INPP5B: variants seen among roughly 807,000 people sequenced by gnomAD.
INPP5B encodes type II inositol 1,4,5-trisphosphate 5-phosphatase.
A neutral mutation model predicts 118.5 loss-of-function variants in INPP5B; 90 were observed. The ratio of observed to expected loss-of-function variants is 0.76; its 90% CI spans 0.64 to 0.90. The LOEUF is 0.90. INPP5B is among the 40% of genes least tolerant of loss of function. INPP5B has a pLI of 0.00. For missense variants in INPP5B, 984 were observed against 1,125.6 expected (o/e 0.87, Z 1.80); for synonymous variants, 385 against 418.9 (o/e 0.92, Z 0.99).
At chr1:37,875,798 G>T in intron 16 of INPP5B, 82 bp from the exon 17 acceptor site, 1 of 918,596 alleles carries the variant, frequency 1.1e-6, no homozygotes, top group Non-Finnish European at 1.8e-6. Flanking sequence ...TCACAGCACT[G>T]GGAAATAGCA....
chr1:37,867,384 A>G (rs924112919), intron 20 of INPP5B, among the ~76,000 whole-genome samples: 1 of 152,234 alleles, frequency 6.6e-6, no homozygotes, highest in African/African-American at 2.4e-5. Flanking sequence ...GGAGTGCTAC[A>G]GAGAAGGTAG....
At chr1:37,871,942 T>C (rs1168703645) in intron 19 of INPP5B, among the ~76,000 whole-genome samples, 1 of 149,240 alleles carries the variant, frequency 6.7e-6, no homozygotes, top group Non-Finnish European at 1.5e-5. Context: ...TGCATGCCTG[T>C]AGTCCCAGCT....
intron 7 of INPP5B, among the ~76,000 whole-genome samples, chr1:37,902,320 C>T (rs1644361602): frequency 6.6e-6 from 1 of 152,106 alleles, no homozygotes; most frequent in African/African-American, 2.4e-5. Context: ...ACTGTCTTCT[C>T]TATCCCTACT....
chr1:37,917,727 C>T (rs1026457738), intron 7 of INPP5B, among the ~76,000 whole-genome samples: 89 of 152,130 alleles, frequency 5.9e-4, no homozygotes, highest in Admixed American at 4.6e-3. Context: ...ACCAGGAGTT[C>T]GAGACTAGCC....
intron 7 of INPP5B, among the ~76,000 whole-genome samples, chr1:37,919,142 A>C (rs1644969957): frequency 6.6e-6 from 1 of 152,198 alleles, no homozygotes; most frequent in Admixed American, 6.5e-5. Flanking sequence ...CCCAAGGGTA[A>C]GTACGATGTG....
At chr1:37,871,497 G>C (rs1642435471) in intron 19 of INPP5B, among the ~76,000 whole-genome samples, 1 of 151,806 alleles carries the variant, frequency 6.6e-6, no homozygotes, top group African/African-American at 2.4e-5. Context: ...GCCAGGCGTG[G>C]TGGCTTACAC....
intron 7 of INPP5B, among the ~76,000 whole-genome samples, chr1:37,917,358 C>G (rs1017935525): frequency 2.3e-4 from 29 of 125,162 alleles, no homozygotes; most frequent in Admixed American, 5.4e-4. Flanking sequence ...GGGTCACGCT[C>G]TATCACTCAG....
intron 19 of INPP5B, among the ~76,000 whole-genome samples, chr1:37,870,455 T>A (rs1049593051): frequency 6.6e-6 from 1 of 152,320 alleles, no homozygotes; most frequent in South Asian, 2.1e-4. Flanking sequence ...TGAATGTGTA[T>A]GTCCCCCTCA....
chr1:37,874,161 A>C lies in INPP5B; in HGVS notation c.1789-6T>G. The C allele has an allele frequency of 6.4e-7, 1 of 1,555,504 alleles. No homozygotes were observed. Among genetic ancestry groups the C allele is most frequent in the South Asian group, 1.2e-5 (1 of 85,550 alleles). On this transcript the variant is annotated splice_polypyrimidine_tract_variant and splice_region_variant and intron_variant, in intron 17 of 23. Transcript: ENST00000373024. ...TTCACATTCTGAAAACAGAACTGGG[A>C]AGAAGCCCGGGGCCAGTGAAAACCA...
chr1:37,888,256 C>A lies in INPP5B; in HGVS notation c.886G>T (p.Val296Phe). The A allele has an allele frequency of 6.3e-7, 1 of 1,575,436 alleles. No individual in the cohort carries two copies. Among genetic ancestry groups the A allele is most frequent in the Admixed American group, 1.8e-5 (1 of 54,292 alleles). Residue 296 changes from valine to phenylalanine, a missense_variant, in exon 10 of 24, where the codon GTC (valine) becomes TTC (phenylalanine). By Grantham distance (50) the Val-to-Phe change is conservative (BLOSUM62 -1). Coordinates refer to ENST00000373024, the MANE Select transcript of INPP5B (RefSeq NM_005540.3). Reference protein sequence around the residue: ...WLSNGIQAPDVYCVGFQELDL... With the variant: ...WLSNGIQAPDFYCVGFQELDL... ...AGAAGCACTCACCCTACACAATAGA[C>A]ATCTGGGGCCTGGATACCATTGCTC...
Position 37,875,632 on chromosome 1 carries a change from G to C in INPP5B, c.1762C>G (p.Pro588Ala). Residue 588 changes from proline (P) to alanine (A), a missense_variant, in exon 17 of 24, where the codon CCT becomes GCT. Physicochemically the swap from Pro to Ala is conservative, Grantham distance 27. Transcript: ENST00000373024. ...SLDKMENANI[P>A]SVSLSKREFC... is the part of the protein sequence containing the mutation. ...TCTCGCTTGGACAGGGACACAGAAG[G>C]AATGTTGGCATTTTCCATCTTATCC... 1 of 1,613,914 alleles carries C rather than the reference G, an allele frequency of 6.2e-7. No individual in the cohort carries two copies. The highest frequency in any genetic ancestry group is 8.5e-7 in the Non-Finnish European group (1 of 1,179,816).
chr1:37,931,532 C>T, intron 7 of INPP5B: 1 of 1,536,234 alleles, frequency 6.5e-7, no homozygotes, highest in Non-Finnish European at 8.7e-7. Flanking sequence ...CCCAGTGTCC[C>T]AGCCTCCAGA....
At chr1:37,881,789 A>G (rs187093810) in intron 14 of INPP5B, among the ~76,000 whole-genome samples, 102 of 152,250 alleles carry the variant, frequency 6.7e-4, no homozygotes, top group African/African-American at 2.3e-3. Context: ...TCTTTAATTA[A>G]TCTGCACTGG....
chr1:37,879,097 C>A (rs1213131579), intron 15 of INPP5B, among the ~76,000 whole-genome samples: 1 of 151,804 alleles, frequency 6.6e-6, no homozygotes, highest in Non-Finnish European at 1.5e-5. Context: ...CATGGTGAAA[C>A]CCCGTCTCTA....
At chr1:37,865,639 T>G in intron 22 of INPP5B, 122 bp downstream of exon 22, 11 of 1,093,190 alleles carry the variant, frequency 1.0e-5, no homozygotes, top group African/African-American at 1.6e-5. Flanking sequence ...AGAGCAGGTT[T>G]GAGAAGGAAA....
At chr1:37,923,477 C>T (rs531897545) in intron 7 of INPP5B, among the ~76,000 whole-genome samples, 64 of 152,174 alleles carry the variant, frequency 4.2e-4, no homozygotes, top group Non-Finnish European at 1.0e-4. Flanking sequence ...TATTGAAGTT[C>T]ACATACAAAA....
intron 6 of INPP5B, among the ~76,000 whole-genome samples, chr1:37,936,055 G>A (rs1645676686): frequency 6.6e-6 from 1 of 151,756 alleles, no homozygotes; most frequent in Admixed American, 6.6e-5. Context: ...GACAGAGTGA[G>A]ACTCCGTATC....
intron 19 of INPP5B, among the ~76,000 whole-genome samples, chr1:37,872,667 T>A (rs1642531743): frequency 6.6e-6 from 1 of 150,808 alleles, no homozygotes; most frequent in African/African-American, 2.4e-5. Flanking sequence ...CATCTGATTA[T>A]AACCACACAA....
chr1:37,924,474 T>C, intron 7 of INPP5B, among the ~76,000 whole-genome samples: 1 of 151,344 alleles, frequency 6.6e-6, no homozygotes, highest in East Asian at 2.0e-4. Flanking sequence ...TGGCCAGCAT[T>C]TCCCATTTCT....
Sources: allele counts gnomAD v4.1 joint callset (sites outside exome capture counted in the v4.1 genomes callset), GRCh38; gene constraint gnomAD v4.1.1; transcripts MANE v1.5; gene names NCBI Gene and HGNC (gene_info 2026-07-23, HGNC 2026-07-21).